Variants in ANO5 observed in about 807,000 individuals in gnomAD.
The protein encoded by ANO5 is anoctamin-5.
Under a neutral mutation model 121.0 loss-of-function variants are expected in ANO5, and 109 were observed. The ratio of observed to expected loss-of-function variants is 0.90; its 90% confidence interval spans 0.77 to 1.06. The LOEUF (loss-of-function observed/expected upper bound fraction) is 1.06. ANO5 is among the 50% of genes least tolerant of loss of function. The pLI, the probability that ANO5 is intolerant of heterozygous loss-of-function variation, is 0.00. For synonymous variants in ANO5, 406 were observed against 359.9 expected (o/e 1.13, Z -1.45); for missense variants, 1,064 against 1,078.5 (o/e 0.99, Z 0.19).
chr11:22,257,902 T>A (rs1177653761), intron 14 of ANO5, 148 bp downstream of exon 14: 1 of 692,856 alleles, frequency 1.4e-6, no homozygotes, highest in Admixed American at 2.4e-5. Flanking sequence ...TTATACAAAA[T>A]AAACTGTAAT....
Position 22,239,555 on chromosome 11 carries a change from T to C in ANO5, c.763-14T>C. 6.3e-7 allele frequency: 1 copy of C among 1,580,038 alleles called. No homozygotes were observed. The highest frequency in any genetic ancestry group is 1.3e-5 in the African/African-American group (1 of 74,162). On this transcript the variant is annotated splice_polypyrimidine_tract_variant and intron_variant, in intron 8 of 21. Coordinates refer to ENST00000324559, the MANE Select transcript of ANO5 (RefSeq NM_213599.3). ...GCTTCGTCTTTTATGTACCCTCCTC[T>C]TGAATATCTGCAGGGCCAATATTGG...
At chr11:22,213,940 T>C (rs1165913209) in intron 3 of ANO5, among the ~76,000 whole-genome samples, 1 of 151,318 alleles carries the variant, frequency 6.6e-6, no homozygotes, top group Non-Finnish European at 1.5e-5. Context: ...TCTTGCTCTG[T>C]TGCCCAGGCT....
At chr11:22,251,438 A>G (rs1434727133) in intron 12 of ANO5, among the ~76,000 whole-genome samples, 1 of 152,198 alleles carries the variant, frequency 6.6e-6, no homozygotes, top group Non-Finnish European at 1.5e-5. Context: ...AGTTACAGTT[A>G]CCACTTCCAC....
rs920158926 is a variant in ANO5, at chr11:22,281,688, A to G, written c.*1923A>G. 55 of 152,132 alleles carry G rather than the reference A, an allele frequency of 3.6e-4. No individual in the cohort carries two copies. Among genetic ancestry groups the G allele is most frequent in the African/African-American group, 1.3e-3 (54 of 41,546 alleles). The allele number at this position is 152,132 out of a possible 1,614,324, so 9.4% of individuals were successfully genotyped here. ...GCATGGAAATTGGTTTCTTGAATAT[A>G]AGCTTTAATTTTTAAGGCTTAAAAG... is the stretch of plus-strand genomic sequence containing the variant. On this transcript the variant is annotated 3_prime_UTR_variant, in exon 22 of 22. Coordinates refer to ENST00000324559, the MANE Select transcript of ANO5 (RefSeq NM_213599.3).
chr11:22,207,391 C>T (rs1361078737), intron 2 of ANO5, among the ~76,000 whole-genome samples: 1 of 152,096 alleles, frequency 6.6e-6, no homozygotes, highest in African/African-American at 2.4e-5. Flanking sequence ...AATAGCCTCA[C>T]ACAAGTACAG....
chr11:22,211,431 T>C (rs1590224240), intron 3 of ANO5, 117 bp downstream of exon 3: 5 of 1,202,580 alleles, frequency 4.2e-6, no homozygotes, highest in African/African-American at 1.5e-5. Context: ...TCATACATGG[T>C]ATTTGAGAAT....
intron 18 of ANO5, among the ~76,000 whole-genome samples, chr11:22,271,327 C>T (rs1230803633): frequency 6.6e-6 from 1 of 152,210 alleles, no homozygotes; most frequent in Non-Finnish European, 1.5e-5. Context: ...GGATTACAGG[C>T]GTGAGCCACA....
chr11:22,226,086 T>C, intron 6 of ANO5, 34 bp downstream of exon 6: 2 of 1,534,732 alleles, frequency 1.3e-6, no homozygotes, highest in Non-Finnish European at 1.8e-6. Context: ...CAAGCCTCTT[T>C]AATTTAAGTG....
intron 8 of ANO5, among the ~76,000 whole-genome samples, chr11:22,239,274 C>T (rs112686600): frequency 6.6e-6 from 1 of 151,892 alleles, no homozygotes; most frequent in African/African-American, 2.4e-5. Flanking sequence ...CTCTCTGGGC[C>T]GTGAATATTA....
chr11:22,256,550 C>G (rs1414051766), intron 13 of ANO5, among the ~76,000 whole-genome samples: 1 of 152,024 alleles, frequency 6.6e-6, no homozygotes, highest in South Asian at 2.1e-4. Context: ...ATGTTCATTC[C>G]TATTTCACGA....
intron 1 of ANO5, among the ~76,000 whole-genome samples, chr11:22,196,009 G>A (rs750837440): frequency 2.0e-5 from 3 of 152,146 alleles, no homozygotes; most frequent in African/African-American, 2.4e-5. Context: ...TATATTTTTA[G>A]ATGTTTCTTA....
chr11:22,195,435 T>TTTA (rs1851779934), intron 1 of ANO5, among the ~76,000 whole-genome samples: 1 of 151,380 alleles, frequency 6.6e-6, no homozygotes, highest in African/African-American at 2.4e-5. Flanking sequence ...TTTTTTTTTT[T>TTTA]TTTTATTTTT....
intron 18 of ANO5, among the ~76,000 whole-genome samples, chr11:22,270,919 C>T (rs1042057748): frequency 1.3e-5 from 2 of 152,152 alleles, no homozygotes; most frequent in Admixed American, 6.5e-5. Flanking sequence ...ACACAAGAAA[C>T]ATCCAAAACA....
intron 2 of ANO5, among the ~76,000 whole-genome samples, chr11:22,210,437 C>T (rs1218773421): frequency 6.6e-6 from 1 of 151,852 alleles, no homozygotes; most frequent in Admixed American, 6.6e-5. Context: ...AACTGATTTG[C>T]CCAGCATTAT....
intron 20 of ANO5, 40 bp downstream of exon 20, chr11:22,274,787 C>G (rs1363739892): frequency 1.3e-6 from 2 of 1,600,002 alleles, no homozygotes; most frequent in East Asian, 2.2e-5. Flanking sequence ...TAGTTTTATC[C>G]CTTAAGCGTA....
At chr11:22,212,001 T>C (rs2133554811) in intron 3 of ANO5, among the ~76,000 whole-genome samples, 1 of 151,894 alleles carries the variant, frequency 6.6e-6, no homozygotes, top group East Asian at 1.9e-4. Context: ...TTTACTTTTT[T>C]TTTTTTACTA....
At chr11:22,204,456 C>G (rs1852052020) in intron 2 of ANO5, among the ~76,000 whole-genome samples, 1 of 152,056 alleles carries the variant, frequency 6.6e-6, no homozygotes. Context: ...ATGCATAGCT[C>G]TCACAGAGGT....
chr11:22,213,984 C>A (rs890172361), intron 3 of ANO5, among the ~76,000 whole-genome samples: 2 of 151,792 alleles, frequency 1.3e-5, no homozygotes, highest in African/African-American at 4.8e-5. Flanking sequence ...TTCACTGCAG[C>A]CTTAGATTCC....
chr11:22,279,715 C>G lies in ANO5; in HGVS notation c.2692C>G (p.His898Asp), dbSNP rs777384159. The G allele has an allele frequency of 1.2e-6, 2 of 1,612,810 alleles. No homozygotes were observed. Among genetic ancestry groups the G allele is most frequent in the Admixed American group, 1.7e-5 (1 of 59,880 alleles). Residue 898 changes from histidine (H) to aspartate (D), a missense_variant, in exon 22 of 22, where the codon CAT becomes GAT. By Grantham distance (81) the His-to-Asp change is moderately conservative. Coordinates refer to ENST00000324559, the MANE Select transcript of ANO5 (RefSeq NM_213599.3). ...LGINSNEFAK[H>D]VMIEENKAQL... ...AATTAATTCTAATGAATTTGCCAAG[C>G]ATGTCATGATTGAGGAAAACAAAGC...
Sources: gnomAD v4.1 joint callset for allele counts (sites outside exome capture counted in the v4.1 genomes callset) on GRCh38, gnomAD v4.1.1 for gene constraint, MANE v1.5 for transcripts, NCBI Gene and HGNC (gene_info 2026-07-23, HGNC 2026-07-21) for gene names.